The following TTC7A variants were observed in gnomAD, a reference collection of about 807,000 sequenced individuals.
The protein encoded by TTC7A is tetratricopeptide repeat domain 7A.
Under a neutral mutation model 103.7 loss-of-function variants are expected in TTC7A, and 110 were observed. The observed-to-expected ratio is 1.06, with a 90% CI of 0.91 to 1.24. The LOEUF is 1.24. Ranked by LOEUF, TTC7A falls within the 50% of genes most tolerant of loss-of-function variation. The pLI is 0.00. For synonymous variants in TTC7A, 521 were observed against 467.9 expected (o/e 1.11, Z -1.47); for missense variants, 1,340 against 1,116.3 (o/e 1.20, Z -2.86).
Position 47,060,887 on chromosome 2 carries a change from G to T in TTC7A, c.2271G>T (p.Val757=). Reference sequence around the variant, plus strand: ...ATATGCGGGGCCGGCTGGCTGAGGTGAAGGGCAACCTGGAGGAGGCCAAGC... The same window carrying T: ...ATATGCGGGGCCGGCTGGCTGAGGTTAAGGGCAACCTGGAGGAGGCCAAGC... The part of the protein sequence containing the change: ...VLYMRGRLAE[V]KGNLEEAKQL... Residue 757 remains valine (V), a synonymous_variant, in exon 19 of 20, where the codon GTG becomes GTT. Transcript: ENST00000319190. The T allele has an allele frequency of 6.2e-7, 1 of 1,614,176 alleles. No homozygotes were observed. The highest frequency in any genetic ancestry group is 1.1e-5 in the South Asian group (1 of 91,088).
chr2:47,047,400 C>T (rs1245833579), intron 16 of TTC7A: 4 of 1,114,684 alleles, frequency 3.6e-6, no homozygotes, highest in Non-Finnish European at 5.3e-6. Context: ...CCTGGGAGAC[C>T]AGGGCAGAGG....
intron 2 of TTC7A, among the ~76,000 whole-genome samples, chr2:46,926,316 G>T (rs1323243305): frequency 2.0e-5 from 3 of 152,232 alleles, no homozygotes; most frequent in Non-Finnish European, 4.4e-5. Flanking sequence ...GTGCTAAACA[G>T]TGGAGATCGG....
At chr2:47,022,058 C>T (rs1007690479) in intron 12 of TTC7A, 79 bp downstream of exon 12, 36 of 1,010,200 alleles carry the variant, frequency 3.6e-5, no homozygotes, top group Non-Finnish European at 4.8e-5. Context: ...CTTGTCCTAC[C>T]GGCACCCCTC....
intron 19 of TTC7A, among the ~76,000 whole-genome samples, chr2:47,065,588 C>G (rs1361482616): frequency 6.6e-6 from 1 of 152,206 alleles, no homozygotes; most frequent in Admixed American, 6.5e-5. Flanking sequence ...AATTTATATC[C>G]TGCTTTTAGG....
chr2:46,947,073 G>A (rs1251264026), intron 1 of TTC7A, among the ~76,000 whole-genome samples: 1 of 152,138 alleles, frequency 6.6e-6, no homozygotes, highest in African/African-American at 2.4e-5. Flanking sequence ...CCCTGTCCTT[G>A]GATTTACAAC....
At chr2:47,024,394 G>T in intron 14 of TTC7A, 35 bp downstream of exon 14, 2 of 1,568,290 alleles carry the variant, frequency 1.3e-6, no homozygotes, top group East Asian at 2.4e-5. Flanking sequence ...CCGGGTCCTC[G>T]GGGGCTGCTG....
At chr2:46,917,292 CG>C (rs1367369684) in intron 2 of TTC7A, 1 of 659,180 alleles carries the variant, frequency 1.5e-6, no homozygotes, top group Non-Finnish European at 2.7e-6. Flanking sequence ...GCCACCGCGC[CG>C]GGACAAAGAA....
chr2:47,035,832 G>A (rs1681041297), intron 15 of TTC7A, among the ~76,000 whole-genome samples: 1 of 152,188 alleles, frequency 6.6e-6, no homozygotes, highest in South Asian at 2.1e-4. Flanking sequence ...TTGCGCCTGG[G>A]AGAAGGCCTG....
In TTC7A at chr2:46,995,197, A is replaced by G. The variant is rs368018528; in HGVS notation, c.1063A>G (p.Met355Val). The part of the protein sequence containing the change: ...ALLLLLISES[M>V]ATRDVVLSRV... ...CCTGCTCCTCCTCATCAGCGAATCCATGGTAAGCTCCAGGATGTCCTTCAG... is the reference window on the plus strand; with the variant it reads ...CCTGCTCCTCCTCATCAGCGAATCCGTGGTAAGCTCCAGGATGTCCTTCAG... Residue 355 changes from methionine to valine, a missense_variant and splice_region_variant, in exon 8 of 20, where the codon ATG becomes GTG. Met to Val is a conservative substitution (Grantham distance 21). Coordinates refer to ENST00000319190, the MANE Select transcript of TTC7A (RefSeq NM_020458.4). 1.1e-5 allele frequency: 18 copies of G among 1,613,914 alleles called. No individual in the cohort carries two copies. Among genetic ancestry groups the G allele is most frequent in the African/African-American group, 1.3e-5 (1 of 74,888 alleles).
At chr2:46,988,141 C>G (rs750020922) in intron 5 of TTC7A, among the ~76,000 whole-genome samples, 1 of 152,132 alleles carries the variant, frequency 6.6e-6, no homozygotes, top group Non-Finnish European at 1.5e-5. Context: ...TCCAGCCTCT[C>G]TGAATGCACA....
intron 19 of TTC7A, among the ~76,000 whole-genome samples, chr2:47,066,870 A>AT (rs1458739896): frequency 1.5e-4 from 23 of 152,246 alleles, no homozygotes; most frequent in Admixed American, 9.8e-4. Context: ...TAAAAAATAT[A>AT]TTTTTTATAG....
At chr2:46,936,718 T>C (rs1669997080), upstream of TTC7A, among the ~76,000 whole-genome samples, 1 of 152,304 alleles carries the variant, frequency 6.6e-6, no homozygotes, top group Admixed American at 6.5e-5. Flanking sequence ...TAATTTAGAA[T>C]TGCGGTAGCC....
intron 5 of TTC7A, among the ~76,000 whole-genome samples, chr2:46,982,420 A>G (rs978592086): frequency 1.3e-5 from 2 of 151,992 alleles, no homozygotes; most frequent in African/African-American, 4.8e-5. Flanking sequence ...ACTGGGAAAC[A>G]GGCTGCCTCC....
At chr2:47,040,524 C>T (rs1681620530) in intron 15 of TTC7A, 1 of 152,294 alleles carries the variant, frequency 6.6e-6, no homozygotes, top group Non-Finnish European at 1.5e-5. Flanking sequence ...GTTCCTATAG[C>T]TTTATGCATC....
intron 2 of TTC7A, among the ~76,000 whole-genome samples, chr2:46,919,734 C>T (rs887287433): frequency 1.3e-5 from 2 of 152,140 alleles, no homozygotes; most frequent in Non-Finnish European, 2.9e-5. Flanking sequence ...AAAAGGTGTG[C>T]GTTCTGCACA....
chr2:47,053,289 C>T (rs917013010), intron 18 of TTC7A, among the ~76,000 whole-genome samples: 6 of 152,114 alleles, frequency 3.9e-5, no homozygotes, highest in East Asian at 3.9e-4. Context: ...CAAAGGTTCC[C>T]GTCGTCTTCT....
At chr2:46,974,544 G>T in intron 3 of TTC7A, 1 of 416,610 alleles carries the variant, frequency 2.4e-6, no homozygotes, top group Non-Finnish European at 4.8e-6. Flanking sequence ...AGCTTGCTGT[G>T]TAGGGAGTGT....
At chr2:46,936,558 G>T (rs1033663070), upstream of TTC7A, among the ~76,000 whole-genome samples, 9 of 152,176 alleles carry the variant, frequency 5.9e-5, no homozygotes, top group Non-Finnish European at 2.9e-5. Context: ...GCAACTGTCA[G>T]CTCACCATTC....
rs373928142 is a variant in TTC7A, at chr2:46,921,278, C to G, written c.82+4001C>G. 6.6e-5 allele frequency among the ~76,000 whole-genome samples: 10 copies of G among 152,074 alleles called. 1 individual carries two copies. The South Asian group carries it at 1.9e-3, about 28-fold the overall frequency. ...CATGCACATAGAAAATCCTAAATAA[C>G]GTAGAAAAAAGCTACTAGAGCTATT... is the stretch of plus-strand genomic sequence containing the variant. On this transcript the variant is annotated intron_variant, in intron 2 of 20. Coordinates refer to the TTC7A transcript ENST00000409245.
Sources: allele counts gnomAD v4.1 joint callset (sites outside exome capture counted in the v4.1 genomes callset), GRCh38; gene constraint gnomAD v4.1.1; transcripts MANE v1.5; gene names NCBI Gene and HGNC (gene_info 2026-07-23, HGNC 2026-07-21).